Variants in NELL1 observed in about 807,000 individuals in gnomAD.
The protein encoded by NELL1 is protein kinase C-binding protein NELL1.
A neutral mutation model predicts 107.4 loss-of-function variants in NELL1; 76 were observed. The ratio of observed to expected loss-of-function variants is 0.71; its 90% confidence interval spans 0.59 to 0.86. The LOEUF (loss-of-function observed/expected upper bound fraction) is 0.86. NELL1 is among the 40% of genes least tolerant of loss of function. The pLI is 0.00. For synonymous variants in NELL1, 353 were observed against 341.2 expected (o/e 1.03, Z -0.38); for missense variants, 1,024 against 1,005.5 (o/e 1.02, Z -0.25).
intron 15 of NELL1, among the ~76,000 whole-genome samples, chr11:21,449,809 C>A (rs1224081051): frequency 6.6e-6 from 1 of 152,152 alleles, no homozygotes; most frequent in Admixed American, 6.5e-5. Flanking sequence ...GTTGAGAAGA[C>A]CAACCTTTCT....
At chr11:20,741,504 T>A (rs1339134708) in intron 2 of NELL1, among the ~76,000 whole-genome samples, 1 of 152,186 alleles carries the variant, frequency 6.6e-6, no homozygotes, top group Non-Finnish European at 1.5e-5. Context: ...TTATTTAATA[T>A]TCCTGATTAG....
At chr11:21,071,146 G>T (rs1412638633) in intron 12 of NELL1, among the ~76,000 whole-genome samples, 2 of 152,014 alleles carry the variant, frequency 1.3e-5, no homozygotes, top group Non-Finnish European at 2.9e-5. Context: ...GTGTAATCTT[G>T]GGCAAATTTG....
chr11:20,827,839 G>C (rs1242605788), intron 3 of NELL1, among the ~76,000 whole-genome samples: 1 of 151,166 alleles, frequency 6.6e-6, no homozygotes, highest in Non-Finnish European at 1.5e-5. Flanking sequence ...TATTCTCTGT[G>C]GGGGAGTGAT....
At chr11:20,843,021 T>C (rs1848646477) in intron 3 of NELL1, among the ~76,000 whole-genome samples, 1 of 152,214 alleles carries the variant, frequency 6.6e-6, no homozygotes, top group African/African-American at 2.4e-5. Flanking sequence ...TCTTACAAAA[T>C]TGTAGGCACT....
At chr11:20,947,061 T>C (rs1850977064) in intron 10 of NELL1, among the ~76,000 whole-genome samples, 1 of 152,342 alleles carries the variant, frequency 6.6e-6, no homozygotes, top group South Asian at 2.1e-4. Context: ...GTTAGACTTT[T>C]ATCAGTGCAT....
chr11:20,775,855 A>AT (rs1856740172), intron 2 of NELL1, among the ~76,000 whole-genome samples: 1 of 152,196 alleles, frequency 6.6e-6, no homozygotes, highest in Non-Finnish European at 1.5e-5. Flanking sequence ...GTGTCACAGG[A>AT]TGCCTTAGGT....
chr11:21,314,450 TATA>T (rs758401048), intron 14 of NELL1, among the ~76,000 whole-genome samples: 30 of 152,026 alleles, frequency 2.0e-4, no homozygotes, highest in Non-Finnish European at 4.3e-4. Flanking sequence ...GTGGTGAGAG[TATA>T]ATGAGATAGT....
At chr11:21,266,425 T>G (rs1848637872) in intron 14 of NELL1, among the ~76,000 whole-genome samples, 2 of 152,088 alleles carry the variant, frequency 1.3e-5, no homozygotes. Context: ...GGCAGACATT[T>G]GGCTCTGCAG....
intron 12 of NELL1, among the ~76,000 whole-genome samples, chr11:21,084,038 T>C (rs1854331184): frequency 6.6e-6 from 1 of 152,140 alleles, no homozygotes; most frequent in Admixed American, 6.5e-5. Context: ...CAGGGAGCTC[T>C]TGTGGATGAC....
chr11:20,813,195 G>A (rs1452882384), intron 3 of NELL1, among the ~76,000 whole-genome samples: 1 of 152,054 alleles, frequency 6.6e-6, no homozygotes. Context: ...ATGACCATGG[G>A]TGACCATATT....
At chr11:20,728,273 G>C (rs1855553736) in intron 2 of NELL1, among the ~76,000 whole-genome samples, 1 of 152,102 alleles carries the variant, frequency 6.6e-6, no homozygotes, top group East Asian at 1.9e-4. Context: ...TTACTCTGTT[G>C]ATAGTTTCTT....
intron 12 of NELL1, among the ~76,000 whole-genome samples, chr11:21,063,085 T>C (rs1462724945): frequency 7.6e-6 from 1 of 131,940 alleles, no homozygotes; most frequent in African/African-American, 2.9e-5. Flanking sequence ...TGAGCTCCAG[T>C]GATCCCCCTG....
chr11:20,728,125 C>T (rs1052545885), intron 2 of NELL1, among the ~76,000 whole-genome samples: 6 of 151,812 alleles, frequency 4.0e-5, no homozygotes, highest in South Asian at 2.1e-4. Flanking sequence ...TGTTTGTTCA[C>T]GTCTTTTATG....
intron 4 of NELL1, among the ~76,000 whole-genome samples, chr11:20,853,307 G>A (rs536004837): frequency 3.0e-4 from 46 of 152,330 alleles, no homozygotes; most frequent in Admixed American, 5.2e-4. Context: ...AAGCATTTGC[G>A]CTCCGTGGTT....
At chr11:21,197,006 G>A (rs1446678269) in intron 13 of NELL1, among the ~76,000 whole-genome samples, 1 of 151,240 alleles carries the variant, frequency 6.6e-6, no homozygotes, top group East Asian at 1.9e-4. Flanking sequence ...CAAGTAGCTG[G>A]GACTACAGGC....
At chr11:20,693,863 T>G (rs1854540954) in intron 2 of NELL1, among the ~76,000 whole-genome samples, 2 of 152,338 alleles carry the variant, frequency 1.3e-5, no homozygotes, top group South Asian at 4.1e-4. Flanking sequence ...TTCTCTTGGA[T>G]AGTATCCTGC....
At chr11:20,968,565 G>A (rs1013007551) in intron 12 of NELL1, among the ~76,000 whole-genome samples, 1 of 152,168 alleles carries the variant, frequency 6.6e-6, no homozygotes, top group East Asian at 1.9e-4. Context: ...GAACGTCACT[G>A]CCTTTATTTG....
At chr11:20,880,611 A>C (rs1261392503) in intron 4 of NELL1, among the ~76,000 whole-genome samples, 1 of 152,218 alleles carries the variant, frequency 6.6e-6, no homozygotes, top group Non-Finnish European at 1.5e-5. Context: ...GGCGTGAAAA[A>C]GGCAACAGTA....
Position 20,755,559 on chromosome 11 carries a change from T to TATTTTTTTTTTTATTTA in NELL1, c.185-28121_185-28120insATTTTTTTTTTTATTTA, listed in dbSNP as rs1554914196. On this transcript the variant is annotated intron_variant, in intron 2 of 19. Transcript: ENST00000357134. ...GTTTTTGTTTTTTTTTGTTTTTGTT[T>TATTTTTTTTTTTATTTA]TTGTTTTTTTTTTTTTGAGACAGAA... Among the ~76,000 whole-genome samples, 20 of 17,686 alleles carry TATTTTTTTTTTTATTTA rather than the reference T, an allele frequency of 1.1e-3. No homozygotes were observed. In the East Asian group the frequency reaches 0.019, roughly 17 times the overall value. 11.6% of individuals were successfully genotyped at this position (17,686 alleles called of 152,430 possible). A position where few individuals can be genotyped will look rare whatever the true frequency, so the allele number is the denominator to read the frequency against.
Sources: gnomAD v4.1 joint callset for allele counts (sites outside exome capture counted in the v4.1 genomes callset) on GRCh38, gnomAD v4.1.1 for gene constraint, MANE v1.5 for transcripts, NCBI Gene and HGNC (gene_info 2026-07-23, HGNC 2026-07-21) for gene names.